The following B3GALT2 variants were observed in gnomAD, a reference collection of about 807,000 sequenced individuals.
B3GALT2 encodes beta-1,3-galactosyltransferase 2.
B3GALT2 carries 13 observed loss-of-function variants against 33.5 expected under a neutral mutation model. The ratio of observed to expected loss-of-function variants is 0.39; its 90% CI spans 0.25 to 0.62. B3GALT2 has a LOEUF of 0.62. Ranked by LOEUF, B3GALT2 falls within the 20% of genes least tolerant of loss-of-function variation. The probability of loss-of-function intolerance (pLI) is 0.53; values close to 1 mark genes in which losing one functional copy is unlikely to be tolerated. For synonymous variants in B3GALT2, 195 were observed against 172.7 expected, an observed-to-expected ratio of 1.13 and a Z score of -1.01; for missense variants, 418 against 509.1, an observed-to-expected ratio of 0.82 and a Z score of 1.72.
rs16835199 is a variant in B3GALT2, at chr1:193,186,519, A to G, written c.-621T>C. ...TCTTTCGTTGTTGCCTGGCAGCTGCAGGAAGGATTTTGAGCAGTTTTAATG... is the reference window on the plus strand; with the variant it reads ...TCTTTCGTTGTTGCCTGGCAGCTGCGGGAAGGATTTTGAGCAGTTTTAATG... On this transcript the variant is annotated 5_prime_UTR_variant, in exon 1 of 2. Transcript: ENST00000367434. 1,206 of 152,700 alleles carry G rather than the reference A, an allele frequency of 7.9e-3. 31 individuals are homozygous for G. Among genetic ancestry groups the G allele is most frequent in the Admixed American group, 0.048 (728 of 15,286 alleles). 9.5% of individuals were successfully genotyped at this position (152,700 alleles called of 1,614,324 possible). A position where few individuals can be genotyped will look rare whatever the true frequency, so the allele number is the denominator to read the frequency against.
chr1:193,181,532 A>G lies in B3GALT2; in HGVS notation c.31T>C (p.Phe11Leu). Residue 11 changes from phenylalanine to leucine, a missense_variant, in exon 2 of 2, where the codon TTT (phenylalanine) becomes CTT (leucine). By Grantham distance (22) the Phe-to-Leu change is conservative. Transcript: ENST00000367434. ...TTGGCATTCCAGGTCATCTTTGCAAAGCAGCAGTGTCTTCTCCTCCACTGA... is the reference window on the plus strand; with the variant it reads ...TTGGCATTCCAGGTCATCTTTGCAAGGCAGCAGTGTCTTCTCCTCCACTGA... MLQWRRRHCC[F>L]AKMTWNAKRS... The G allele has an allele frequency of 6.2e-7, 1 of 1,605,314 alleles. No individual in the cohort carries two copies. The highest frequency in any genetic ancestry group is 8.5e-7 in the Non-Finnish European group (1 of 1,176,310).
intron 1 of B3GALT2, among the ~76,000 whole-genome samples, chr1:193,183,479 A>G (rs1676753948): frequency 6.7e-6 from 1 of 150,210 alleles, no homozygotes; most frequent in African/African-American, 2.5e-5. Flanking sequence ...GTGTAATGAA[A>G]ACCAAGGCTA....
chr1:193,182,986 A>C (rs1172323075), intron 1 of B3GALT2, among the ~76,000 whole-genome samples: 1 of 152,050 alleles, frequency 6.6e-6, no homozygotes, highest in Non-Finnish European at 1.5e-5. Context: ...ATTACAGTGT[A>C]TGCATAAATA....
chr1:193,183,676 C>G (rs1676757205), intron 1 of B3GALT2, among the ~76,000 whole-genome samples: 1 of 150,826 alleles, frequency 6.6e-6, no homozygotes, highest in Admixed American at 6.6e-5. Flanking sequence ...AATAATGACT[C>G]TCCGCTCCAC....
In B3GALT2 at chr1:193,180,253, C is replaced by A; in HGVS notation, c.*41G>T. 6.7e-7 allele frequency: 1 copy of A among 1,500,666 alleles called. No individual in the cohort carries two copies. The highest frequency in any genetic ancestry group is 9.0e-7 in the Non-Finnish European group (1 of 1,116,686). The allele number at this position is 1,500,666 out of a possible 1,614,324, so 93.0% of individuals were successfully genotyped here. ...CAGTTCTAACTATACATGCTTTTAG[C>A]AATATTTACAAATTGCACATTTGAA... On this transcript the variant is annotated 3_prime_UTR_variant, in exon 2 of 2. Coordinates refer to ENST00000367434, the MANE Select transcript of B3GALT2 (RefSeq NM_003783.3).
At position 193,178,891 on chromosome 1, in the gene B3GALT2, G is replaced by T. The variant is rs1188411729; in HGVS notation, c.*1403C>A. Among the ~76,000 whole-genome samples the T allele has an allele frequency of 6.6e-6, 1 of 152,058 alleles. No homozygotes were observed. The highest frequency in any genetic ancestry group is 1.9e-4 in the East Asian group (1 of 5,192). On this transcript the variant is annotated 3_prime_UTR_variant, in exon 2 of 2. Transcript: ENST00000367434. Reference sequence around the variant, plus strand: ...TAAGAGGTAAAAATGATTGTTATTAGAATTAAGAAACATTCTGACTAAATT... The same window carrying T: ...TAAGAGGTAAAAATGATTGTTATTATAATTAAGAAACATTCTGACTAAATT...
chr1:193,180,330 T>C lies in B3GALT2; in HGVS notation c.1233A>G (p.Glu411=), dbSNP rs758829481. Residue 411 remains glutamate, a synonymous_variant, in exon 2 of 2, where the codon GAA becomes GAG. Coordinates refer to ENST00000367434, the MANE Select transcript of B3GALT2 (RefSeq NM_003783.3). The part of the protein sequence containing the change: ...KHNACANAAK[E]KAGRYRHRKL... ...TACGGTGGCGATACCTGCCTGCCTT[T>C]TCTTTTGCTGCGTTGGCACAGGCAT... 1.0e-5 allele frequency: 16 copies of C among 1,590,810 alleles called. No homozygotes were observed. The Admixed American group carries it at 2.2e-4, about 21-fold the overall frequency.
intron 1 of B3GALT2, among the ~76,000 whole-genome samples, chr1:193,183,856 T>A (rs1676761744): frequency 6.6e-6 from 1 of 151,860 alleles, no homozygotes; most frequent in South Asian, 2.1e-4. Context: ...TTATACAGAT[T>A]TTTTTTAAAG....
At chr1:193,185,117 T>A (rs2103162715) in intron 1 of B3GALT2, among the ~76,000 whole-genome samples, 1 of 152,202 alleles carries the variant, frequency 6.6e-6, no homozygotes, top group East Asian at 1.9e-4. Context: ...TAGCTACATT[T>A]ATATTTAATT....
intron 1 of B3GALT2, among the ~76,000 whole-genome samples, chr1:193,184,099 G>A (rs1363913354): frequency 6.6e-6 from 1 of 151,772 alleles, no homozygotes; most frequent in East Asian, 1.9e-4. Context: ...ATATGATTTT[G>A]TAACAGTATG....
In B3GALT2 at chr1:193,185,065, C is replaced by T. The variant is rs566850799; in HGVS notation, c.-121+954G>A. ...TGTGCCCTGCACACACATATAGTGG[C>T]GGTAGTTCATTACTGCATATTAATA... On this transcript the variant is annotated intron_variant, in intron 1 of 1. Coordinates refer to ENST00000367434, the MANE Select transcript of B3GALT2 (RefSeq NM_003783.3). Among the ~76,000 whole-genome samples, 48 of 152,002 alleles carry T rather than the reference C, an allele frequency of 3.2e-4. 1 individual carries two copies. Among genetic ancestry groups the T allele is most frequent in the African/African-American group, 9.6e-4 (40 of 41,530 alleles).
In B3GALT2 at chr1:193,180,271, C is replaced by T. The variant is rs761752719; in HGVS notation, c.*23G>A. 10 of 1,527,930 alleles carry T rather than the reference C, an allele frequency of 6.5e-6. 1 individual carries two copies. In the South Asian group the frequency reaches 1.3e-4, roughly 20 times the overall value. The allele number at this position is 1,527,930 out of a possible 1,614,324, so 94.6% of individuals were successfully genotyped here. A position where few individuals can be genotyped will look rare whatever the true frequency, so the allele number is the denominator to read the frequency against. On this transcript the variant is annotated 3_prime_UTR_variant, in exon 2 of 2. Coordinates refer to ENST00000367434, the MANE Select transcript of B3GALT2 (RefSeq NM_003783.3). The stretch of plus-strand genomic sequence containing the variant: ...CTTTTAGCAATATTTACAAATTGCA[C>T]ATTTGAAAAAAAATTGTCTTTTCTA...
intron 1 of B3GALT2, among the ~76,000 whole-genome samples, chr1:193,183,339 T>C (rs1676751092): frequency 1.0e-5 from 1 of 95,784 alleles, no homozygotes; most frequent in African/African-American, 3.4e-5. Flanking sequence ...AGTTATAATA[T>C]TTCTAAAATG....
rs1676709337 is a variant in B3GALT2, at chr1:193,181,212, A to G, written c.351T>C (p.Ser117=). The G allele has an allele frequency of 6.2e-7, 1 of 1,613,988 alleles. No homozygotes were observed. Among genetic ancestry groups the G allele is most frequent in the Admixed American group, 1.7e-5 (1 of 59,982 alleles). Residue 117 remains serine, a synonymous_variant, in exon 2 of 2, where the codon AGT becomes AGC. Transcript: ENST00000367434. ...QGVTGLENTL[S]ANGSIYNEKG... ...TTTCATTGTAAATACTTCCATTGGC[A>G]CTAAGTGTATTCTCCAGGCCTGTAA...
chr1:193,181,458 A>T lies in B3GALT2; in HGVS notation c.105T>A (p.Phe35Leu), dbSNP rs1199000467. ...THLIGVLSLV[F>L]LFAMFLFFNH... ...TGAAAAACAAAAACATAGCAAAAAG[A>T]AACACTAGAGAAAGTACTCCAATAA... Residue 35 changes from phenylalanine to leucine, a missense_variant, in exon 2 of 2, where the codon TTT becomes TTA. Phe to Leu is a conservative substitution (Grantham distance 22, BLOSUM62 0). Transcript: ENST00000367434. 1 of 1,614,096 alleles carries T rather than the reference A, an allele frequency of 6.2e-7. No homozygotes were observed. Among genetic ancestry groups the T allele is most frequent in the South Asian group, 1.1e-5 (1 of 91,088 alleles).
At position 193,181,631 on chromosome 1, in the gene B3GALT2, T is replaced by A. The variant is rs947874761; in HGVS notation, c.-69A>T. 7.5e-7 allele frequency: 1 copy of A among 1,330,932 alleles called. No homozygotes were observed. Among genetic ancestry groups the A allele is most frequent in the African/African-American group, 1.5e-5 (1 of 67,724 alleles). 82.4% of individuals were successfully genotyped at this position (1,330,932 alleles called of 1,614,324 possible). A position where few individuals can be genotyped will look rare whatever the true frequency, so the allele number is the denominator to read the frequency against. On this transcript the variant is annotated 5_prime_UTR_variant, in exon 2 of 2. Transcript: ENST00000367434. ...AAATGTTTTCTTCTCCTTAATACTATTCTTTGGCAATCATTTTCTAATTCA... is the reference window on the plus strand; with the variant it reads ...AAATGTTTTCTTCTCCTTAATACTAATCTTTGGCAATCATTTTCTAATTCA...
chr1:193,179,994 T>A lies in B3GALT2; in HGVS notation c.*300A>T, dbSNP rs765473653. The A allele has an allele frequency of 4.9e-5, 10 of 202,916 alleles. No individual in the cohort carries two copies. The highest frequency in any genetic ancestry group is 7.8e-5 in the Non-Finnish European group (8 of 102,488). 12.6% of individuals were successfully genotyped at this position (202,916 alleles called of 1,614,324 possible). On this transcript the variant is annotated 3_prime_UTR_variant, in exon 2 of 2. Coordinates refer to ENST00000367434, the MANE Select transcript of B3GALT2 (RefSeq NM_003783.3). ...AATTTATGTGGAAAACATATGCAGA[T>A]ACATTTTATTGGCCCCTAACAGAAG...
At chr1:193,183,686 C>T (rs1033838631) in intron 1 of B3GALT2, among the ~76,000 whole-genome samples, 1 of 151,610 alleles carries the variant, frequency 6.6e-6, no homozygotes, top group Non-Finnish European at 1.5e-5. Context: ...CTCCGCTCCA[C>T]TTCATAAGGA....
rs1572179538 is a variant in B3GALT2, at chr1:193,179,955, A to G, written c.*339T>C. 6.0e-6 allele frequency: 1 copy of G among 165,544 alleles called. No individual in the cohort carries two copies. The highest frequency in any genetic ancestry group is 1.7e-4 in the East Asian group (1 of 5,984). The allele number at this position is 165,544 out of a possible 1,614,324, so 10.3% of individuals were successfully genotyped here. A position where few individuals can be genotyped will look rare whatever the true frequency, so the allele number is the denominator to read the frequency against. On this transcript the variant is annotated 3_prime_UTR_variant, in exon 2 of 2. Transcript: ENST00000367434. ...TAAAATGAAGGATCTTTTGACTGTC[A>G]TTTCTTGAATTAAAATTTATGTGGA...
Sources: gnomAD v4.1 joint callset for allele counts (sites outside exome capture counted in the v4.1 genomes callset) on GRCh38, gnomAD v4.1.1 for gene constraint, MANE v1.5 for transcripts, NCBI Gene and HGNC (gene_info 2026-07-23, HGNC 2026-07-21) for gene names.